Variants in LATS2 observed in about 807,000 individuals in gnomAD.
The protein encoded by LATS2 is serine/threonine-protein kinase LATS2.
Under a neutral mutation model 76.0 loss-of-function variants are expected in LATS2, and 24 were observed. The observed-to-expected ratio is 0.32, with a 90% CI of 0.23 to 0.44. The LOEUF is 0.44. LATS2 is among the 20% of genes least tolerant of loss of function. The pLI is 1.00. For missense variants in LATS2, 1,286 were observed against 1,481.2 expected, an observed-to-expected ratio of 0.87 and a Z score of 2.16; for synonymous variants, 692 against 635.4, an observed-to-expected ratio of 1.09 and a Z score of -1.34.
In LATS2 at chr13:20,979,732, G is replaced by T; in HGVS notation, c.2731C>A (p.Pro911Thr). ...VILFEMLVGQ[P>T]PFLAPTPTET... ...GTGGGAGTAGGTGCCAAAAAGGGCG[G>T]CTGCCCCACCAGCATCTCGAAGAGA... is the stretch of plus-strand genomic sequence containing the variant. The change falls in exon 7 of 8, where the codon CCG becomes ACG. Residue 911 changes from proline (P) to threonine (T), a missense_variant. Around this residue, in one of 5 missense-constraint regions of LATS2, gnomAD observed 210 missense variants for 234.9 expected, o/e 0.89. Coordinates refer to ENST00000382592, the MANE Select transcript of LATS2 (RefSeq NM_014572.3). 6.2e-7 allele frequency: 1 copy of T among 1,612,734 alleles called. No homozygotes were observed. The highest frequency in any genetic ancestry group is 8.5e-7 in the Non-Finnish European group (1 of 1,179,100).
At chr13:21,015,689 T>A (rs1327558210) in intron 2 of LATS2, among the ~76,000 whole-genome samples, 2 of 152,144 alleles carry the variant, frequency 1.3e-5, no homozygotes, top group Non-Finnish European at 2.9e-5. Flanking sequence ...TATCAGTTCA[T>A]CCCTCATTTT....
chr13:20,977,044 T>C (rs932337935), intron 7 of LATS2, among the ~76,000 whole-genome samples: 3 of 152,124 alleles, frequency 2.0e-5, no homozygotes, highest in African/African-American at 7.2e-5. Flanking sequence ...CCTGAGGACA[T>C]TACGCTAAGT....
intron 2 of LATS2, among the ~76,000 whole-genome samples, chr13:21,037,691 G>C: frequency 6.6e-6 from 1 of 152,326 alleles, no homozygotes; most frequent in South Asian, 2.1e-4. Context: ...TGGAGGCTCA[G>C]AAAAGGCTTT....
At chr13:21,031,168 T>C (rs1394850357) in intron 2 of LATS2, among the ~76,000 whole-genome samples, 2 of 152,234 alleles carry the variant, frequency 1.3e-5, no homozygotes, top group Non-Finnish European at 2.9e-5. Flanking sequence ...TTAAATATGA[T>C]AGGCCTAGGA....
chr13:21,000,489 G>GT (rs201475650), intron 2 of LATS2, among the ~76,000 whole-genome samples: 3 of 151,520 alleles, frequency 2.0e-5, no homozygotes, highest in Non-Finnish European at 2.9e-5. Flanking sequence ...AAGTTATTAA[G>GT]TTTTTTTTAT....
At position 20,987,818 on chromosome 13, in the gene LATS2, G is replaced by A. The variant is rs895117552; in HGVS notation, c.1899+63C>T. The A allele has an allele frequency of 1.7e-5, 27 of 1,548,972 alleles. No individual in the cohort carries two copies. The East Asian group carries it at 5.8e-4, about 34-fold the overall frequency. Reference sequence around the variant, plus strand: ...TCGAAACAGAAAAGGGATTGTGCGTGCTTCCTATTGCCAGTAGAGGGATGA... The same window carrying A: ...TCGAAACAGAAAAGGGATTGTGCGTACTTCCTATTGCCAGTAGAGGGATGA... On this transcript the variant is annotated intron_variant, in intron 4 of 7. Coordinates refer to ENST00000382592, the MANE Select transcript of LATS2 (RefSeq NM_014572.3).
intron 2 of LATS2, among the ~76,000 whole-genome samples, chr13:21,027,197 A>G (rs1024212788): frequency 6.6e-6 from 1 of 152,214 alleles, no homozygotes; most frequent in African/African-American, 2.4e-5. Flanking sequence ...TCTAAAGAGT[A>G]AAGACTTTTC....
chr13:21,041,868 C>T (rs1361125962), intron 2 of LATS2, among the ~76,000 whole-genome samples: 2 of 152,164 alleles, frequency 1.3e-5, no homozygotes, highest in East Asian at 1.9e-4. Context: ...TAATTAAGAA[C>T]AGTGAGTGCA....
At position 21,044,981 on chromosome 13, in the gene LATS2, C is replaced by T. The variant is rs544446856; in HGVS notation, c.342+704G>A. Among the ~76,000 whole-genome samples, 8 of 152,186 alleles carry T rather than the reference C, an allele frequency of 5.3e-5. No homozygotes were observed. In the South Asian group the frequency reaches 1.7e-3, roughly 32 times the overall value. The stretch of plus-strand genomic sequence containing the variant: ...GGCCTCAAGTGATCTTCTTGACTGG[C>T]CTCCCAAAGTGCTGGGATTACAGGC... On this transcript the variant is annotated intron_variant, in intron 2 of 7. Transcript: ENST00000382592.
At chr13:21,052,171 CTGTG>C (rs1012183873) in intron 1 of LATS2, among the ~76,000 whole-genome samples, 12 of 152,298 alleles carry the variant, frequency 7.9e-5, no homozygotes, top group Middle Eastern at 3.4e-3. Context: ...CACAGTGGTG[CTGTG>C]TGTGACAGCA....
chr13:20,979,435 G>C (rs761972484), intron 7 of LATS2, among the ~76,000 whole-genome samples: 1 of 152,102 alleles, frequency 6.6e-6, no homozygotes, highest in Non-Finnish European at 1.5e-5. Flanking sequence ...GAAATAGCAA[G>C]GTGGCAGATG....
intron 2 of LATS2, among the ~76,000 whole-genome samples, chr13:21,039,695 C>CTGGAGGCAGTGGGCCAAGAT (rs1419775412): frequency 6.6e-6 from 1 of 152,232 alleles, no homozygotes; most frequent in African/African-American, 2.4e-5. Flanking sequence ...TCCAGAGACA[C>CTGGAGGCAGTGGGCCAAGAT]TGCCTAAGAC....
intron 2 of LATS2, among the ~76,000 whole-genome samples, chr13:21,024,264 C>T (rs1284358340): frequency 6.6e-6 from 1 of 151,566 alleles, no homozygotes; most frequent in Non-Finnish European, 1.5e-5. Flanking sequence ...TGAAACCCAT[C>T]TCTACTAAAA....
At chr13:20,977,054 T>C (rs1869655146) in intron 7 of LATS2, among the ~76,000 whole-genome samples, 1 of 151,876 alleles carries the variant, frequency 6.6e-6, no homozygotes, top group South Asian at 2.1e-4. Context: ...TTACGCTAAG[T>C]GAAATAAACT....
intron 1 of LATS2, among the ~76,000 whole-genome samples, chr13:21,058,575 A>G (rs1873524136): frequency 6.6e-6 from 1 of 152,244 alleles, no homozygotes; most frequent in South Asian, 2.1e-4. Flanking sequence ...GAACATGTAC[A>G]GCTCCAATTT....
At position 20,991,374 on chromosome 13, in the gene LATS2, C is replaced by T. The variant is rs143402079; in HGVS notation, c.373G>A (p.Gly125Ser). 1 of 1,614,036 alleles carries T rather than the reference C, an allele frequency of 6.2e-7. No individual in the cohort carries two copies. Among genetic ancestry groups the T allele is most frequent in the African/African-American group, 1.3e-5 (1 of 74,916 alleles). The change falls in exon 3 of 8, where the codon GGC becomes AGC. Residue 125 changes from glycine to serine, a missense_variant. Coordinates refer to ENST00000382592, the MANE Select transcript of LATS2 (RefSeq NM_014572.3). This position sits in a 1 kb window ranked among gnomAD's most constrained non-coding sequence, Gnocchi z 4.9. ...AGGGCGGCCTCGATGCTCCTGCTGC[C>T]AGTCTGCTTGAGAGCTCGGCCAGCC... ...EMAGRALKQT[G>S]SRSIEAALEY...
intron 1 of LATS2, among the ~76,000 whole-genome samples, chr13:21,051,979 C>T (rs1873286516): frequency 6.6e-6 from 1 of 152,108 alleles, no homozygotes; most frequent in Admixed American, 6.5e-5. Context: ...AGGGGAAGCT[C>T]ACTGAAAACT....
chr13:21,055,005 G>A (rs945664980), intron 1 of LATS2, among the ~76,000 whole-genome samples: 1 of 152,184 alleles, frequency 6.6e-6, no homozygotes, highest in Non-Finnish European at 1.5e-5. Flanking sequence ...AGTACCTACG[G>A]ATAAACTGTG....
intron 2 of LATS2, among the ~76,000 whole-genome samples, chr13:21,010,201 A>AAAAAAAACAAAC (rs1555225650): frequency 6.6e-6 from 1 of 150,610 alleles, no homozygotes; most frequent in African/African-American, 2.5e-5. Context: ...CTCTGTCAAA[A>AAAAAAAACAAAC]AAACAAACAA....
Sources: gnomAD v4.1 joint callset for allele counts (sites outside exome capture counted in the v4.1 genomes callset) on GRCh38, gnomAD v4.1.1 for gene constraint, gnomAD v4.1.1 regional missense constraint, Gnocchi (gnomAD v3.1) non-coding constraint, MANE v1.5 for transcripts, NCBI Gene and HGNC (gene_info 2026-07-23, HGNC 2026-07-21) for gene names.